The following CDKL4 variants were observed in gnomAD, a reference collection of about 807,000 sequenced individuals.
The protein encoded by CDKL4 is cyclin-dependent kinase-like 4.
A neutral mutation model predicts 42.0 loss-of-function variants in CDKL4; 44 were observed. The ratio of observed to expected loss-of-function variants is 1.05; its 90% CI spans 0.82 to 1.35. The LOEUF is 1.35. Ranked by LOEUF, CDKL4 falls within the 40% of genes most tolerant of loss-of-function variation. The pLI is 0.00. For synonymous variants in CDKL4, 120 were observed against 121.6 expected (o/e 0.99, Z 0.09); for missense variants, 393 against 369.9 (o/e 1.06, Z -0.51).
intron 2 of CDKL4, 47 bp from the exon 3 acceptor site, chr2:39,226,007 A>C (rs780963885): frequency 3.8e-6 from 6 of 1,581,806 alleles, no homozygotes; most frequent in Non-Finnish European, 4.3e-6. Flanking sequence ...TTACTAGTAA[A>C]AGCTTCTACC....
chr2:39,203,365 T>G (rs1000080851), intron 5 of CDKL4, among the ~76,000 whole-genome samples: 1 of 152,240 alleles, frequency 6.6e-6, no homozygotes, highest in African/African-American at 2.4e-5. Context: ...TCTTATGTTC[T>G]TAATGCTTGT....
chr2:39,176,375 C>A (rs1317990047), intron 9 of CDKL4, among the ~76,000 whole-genome samples: 1 of 152,042 alleles, frequency 6.6e-6, no homozygotes, highest in African/African-American at 2.4e-5. Flanking sequence ...AGGTAGATGC[C>A]CATCAGCTAC....
chr2:39,191,583 A>C (rs1038851007), intron 5 of CDKL4, among the ~76,000 whole-genome samples: 4 of 152,210 alleles, frequency 2.6e-5, no homozygotes, highest in African/African-American at 9.7e-5. Context: ...CAGGAAACTA[A>C]TGCAGCACTA....
intron 5 of CDKL4, among the ~76,000 whole-genome samples, chr2:39,191,686 G>C (rs1676191790): frequency 6.6e-6 from 1 of 152,228 alleles, no homozygotes; most frequent in Non-Finnish European, 1.5e-5. Context: ...AGTCATGTGT[G>C]ATATGTGATA....
chr2:39,231,507 C>T (rs1291462162), intron 1 of CDKL4, among the ~76,000 whole-genome samples: 2 of 152,168 alleles, frequency 1.3e-5, no homozygotes, highest in Non-Finnish European at 2.9e-5. Context: ...CTATTTTTTA[C>T]AGTGCTGCTT....
At chr2:39,185,231 C>CAT (rs1675678669) in intron 7 of CDKL4, among the ~76,000 whole-genome samples, 2 of 4,494 alleles carry the variant, frequency 4.5e-4, no homozygotes. Context: ...TATACACATA[C>CAT]GTATATATAC....
chr2:39,237,687 T>A (rs1679444034), intron 1 of CDKL4, among the ~76,000 whole-genome samples: 1 of 152,110 alleles, frequency 6.6e-6, no homozygotes, highest in South Asian at 2.1e-4. Flanking sequence ...AAGAACCCCA[T>A]CTCTATAAAA....
At chr2:39,227,645 CA>C (rs937171995) in intron 2 of CDKL4, among the ~76,000 whole-genome samples, 16 of 152,112 alleles carry the variant, frequency 1.1e-4, no homozygotes, top group African/African-American at 3.9e-4. Context: ...AGCAGAAAGG[CA>C]AAGAGTGGAA....
At chr2:39,176,088 C>T (rs1013859088) in exon 10 of CDKL4, 1 of 469,296 alleles carries the variant, frequency 2.1e-6, no homozygotes, top group African/African-American at 2.0e-5. Flanking sequence ...TGAGAGGCAA[C>T]AGTTGATTCT....
At chr2:39,190,434 C>A in exon 6 of CDKL4, 1 of 1,614,098 alleles carries the variant, frequency 6.2e-7, no homozygotes, top group Non-Finnish European at 8.5e-7. Context: ...TACTGAGTAT[C>A]TCCCACAAGA....
At chr2:39,216,936 A>G (rs1677953841) in intron 3 of CDKL4, among the ~76,000 whole-genome samples, 1 of 152,220 alleles carries the variant, frequency 6.6e-6, no homozygotes, top group African/African-American at 2.4e-5. Context: ...TATTCAGTTC[A>G]GTTAGCTTCC....
intron 9 of CDKL4, among the ~76,000 whole-genome samples, chr2:39,177,403 G>GTTT (rs538241800): frequency 5.9e-5 from 8 of 136,518 alleles, no homozygotes; most frequent in African/African-American, 1.3e-4. Context: ...AATCCAGTGA[G>GTTT]TTTTTTTTTT....
intron 5 of CDKL4, among the ~76,000 whole-genome samples, chr2:39,203,478 C>T (rs1479208368): frequency 2.6e-5 from 4 of 152,038 alleles, no homozygotes; most frequent in African/African-American, 7.2e-5. Flanking sequence ...TCTATGACAC[C>T]GCATCTATAC....
intron 3 of CDKL4, 122 bp downstream of exon 3, chr2:39,225,717 A>G (rs957025034): frequency 1.8e-5 from 16 of 895,830 alleles, no homozygotes; most frequent in African/African-American, 6.8e-5. Context: ...TGGATGGGGT[A>G]GCCAGATGCA....
intron 3 of CDKL4, among the ~76,000 whole-genome samples, chr2:39,214,644 T>A (rs1677804239): frequency 6.6e-6 from 1 of 152,224 alleles, no homozygotes; most frequent in Non-Finnish European, 1.5e-5. Flanking sequence ...TGGATGAAAT[T>A]CAGGTAGACC....
intron 6 of CDKL4, among the ~76,000 whole-genome samples, 189 bp downstream of exon 6, chr2:39,190,116 G>C (rs17023405): frequency 6.6e-6 from 1 of 152,128 alleles, no homozygotes; most frequent in Non-Finnish European, 1.5e-5. Flanking sequence ...GAGGAGTTAC[G>C]GTTCTGCATG....
intron 5 of CDKL4, among the ~76,000 whole-genome samples, chr2:39,192,544 T>TTTC (rs1676254521): frequency 6.6e-6 from 1 of 151,232 alleles, no homozygotes. Context: ...AAAAAATTTT[T>TTTC]TTTTTTTTGT....
chr2:39,224,718 T>C (rs1199712399), intron 3 of CDKL4, among the ~76,000 whole-genome samples: 1 of 151,894 alleles, frequency 6.6e-6, no homozygotes, highest in Middle Eastern at 3.2e-3. Flanking sequence ...TGGCCAGGCT[T>C]GTCTAGAACA....
chr2:39,196,493 C>A (rs1676522286), intron 5 of CDKL4, among the ~76,000 whole-genome samples: 1 of 152,166 alleles, frequency 6.6e-6, no homozygotes, highest in Non-Finnish European at 1.5e-5. Flanking sequence ...CAAGGAAGCA[C>A]CCCATGGGAC....
Sources: allele counts gnomAD v4.1 joint callset (sites outside exome capture counted in the v4.1 genomes callset), GRCh38; gene constraint gnomAD v4.1.1; transcripts MANE v1.5; gene names NCBI Gene and HGNC (gene_info 2026-07-23, HGNC 2026-07-21).